The following WWOX variants were observed in gnomAD, a reference collection of about 807,000 sequenced individuals.
The protein encoded by WWOX is WW domain-containing oxidoreductase.
WWOX carries 69 observed loss-of-function variants against 46.2 expected under a neutral mutation model. That is an observed-to-expected ratio of 1.49 (90% CI 1.23 to 1.82). The LOEUF is 1.82. WWOX is among the 40% of genes most tolerant of loss of function. The pLI is 0.00. For missense variants in WWOX, 919 were observed against 542.6 expected (o/e 1.69, Z -6.89); for synonymous variants, 359 against 202.6 (o/e 1.77, Z -6.56).
intron 4 of WWOX, among the ~76,000 whole-genome samples, chr16:78,134,343 ATT>A (rs56115665): frequency 0.019 from 2,826 of 150,190 alleles, 84 homozygotes; most frequent in African/African-American, 0.065. Flanking sequence ...TGCAAAGACT[ATT>A]TTTTTTTTTG....
chr16:78,623,480 G>T (rs2046236962), intron 8 of WWOX, among the ~76,000 whole-genome samples: 1 of 152,074 alleles, frequency 6.6e-6, no homozygotes, highest in Non-Finnish European at 1.5e-5. Flanking sequence ...ATGAGTTCGA[G>T]ACCAGCCTGG....
chr16:78,936,968 C>T (rs568156347), intron 8 of WWOX, among the ~76,000 whole-genome samples: 1 of 152,006 alleles, frequency 6.6e-6, no homozygotes, highest in Non-Finnish European at 1.5e-5. Context: ...CATATTAATC[C>T]ATTAGTAATC....
intron 8 of WWOX, among the ~76,000 whole-genome samples, chr16:78,458,058 C>CAA (rs11370352): frequency 0.22 from 32,574 of 148,110 alleles, 3,639 homozygotes; most frequent in South Asian, 0.33. Flanking sequence ...GCCTGGGTGA[C>CAA]AAAAAAAAAA....
chr16:78,320,654 C>A (rs1211886029), intron 5 of WWOX, among the ~76,000 whole-genome samples: 2 of 152,224 alleles, frequency 1.3e-5, no homozygotes, highest in African/African-American at 4.8e-5. Flanking sequence ...GGAAGCCAAA[C>A]ATCTGGATGA....
At chr16:78,629,352 G>C (rs1313739786) in intron 8 of WWOX, among the ~76,000 whole-genome samples, 1 of 151,972 alleles carries the variant, frequency 6.6e-6, no homozygotes, top group Non-Finnish European at 1.5e-5. Flanking sequence ...AAATCTGTGA[G>C]TTAGTGCCGT....
chr16:78,489,108 C>A (rs938985921), intron 8 of WWOX, among the ~76,000 whole-genome samples: 1 of 152,118 alleles, frequency 6.6e-6, no homozygotes, highest in African/African-American at 2.4e-5. Context: ...ATGCTTGTTA[C>A]TAGCAGATCA....
intron 8 of WWOX, among the ~76,000 whole-genome samples, chr16:79,130,813 G>A (rs2049862165): frequency 6.6e-6 from 1 of 152,204 alleles, no homozygotes; most frequent in Non-Finnish European, 1.5e-5. Context: ...CTCCCCAGCA[G>A]TTCTTTGAGA....
chr16:78,734,054 T>C (rs1399501588), intron 8 of WWOX, among the ~76,000 whole-genome samples: 2 of 150,950 alleles, frequency 1.3e-5, no homozygotes, highest in East Asian at 1.9e-4. Flanking sequence ...AGTAAGATCC[T>C]GTCTGGAAAA....
intron 8 of WWOX, among the ~76,000 whole-genome samples, chr16:78,841,197 A>C (rs1546837): frequency 0.34 from 51,827 of 152,030 alleles, 9,402 homozygotes; most frequent in East Asian, 0.5. Flanking sequence ...GGGCCTTCTA[A>C]ATCAAGGGAA....
chr16:78,883,376 G>T (rs1020782562), intron 8 of WWOX, among the ~76,000 whole-genome samples: 1 of 152,128 alleles, frequency 6.6e-6, no homozygotes, highest in East Asian at 1.9e-4. Flanking sequence ...TGGGAAACTC[G>T]TGAAATCCTA....
chr16:78,934,603 C>T (rs1264457908), intron 8 of WWOX, among the ~76,000 whole-genome samples: 2 of 151,950 alleles, frequency 1.3e-5, no homozygotes, highest in African/African-American at 2.4e-5. Context: ...TTTACCCTAC[C>T]CTCTTCCCCT....
intron 8 of WWOX, among the ~76,000 whole-genome samples, chr16:79,133,022 T>A (rs759207678): frequency 1.1e-4 from 17 of 152,186 alleles, no homozygotes; most frequent in Non-Finnish European, 2.2e-4. Context: ...TCTGTGAGAT[T>A]TTCCTTCTGG....
At chr16:78,856,607 C>A (rs150263285) in intron 8 of WWOX, among the ~76,000 whole-genome samples, 2 of 152,122 alleles carry the variant, frequency 1.3e-5, no homozygotes, top group Admixed American at 6.5e-5. Context: ...CATGCCACTG[C>A]ACTCCAGCGT....
intron 8 of WWOX, among the ~76,000 whole-genome samples, chr16:78,737,128 C>T (rs964704871): frequency 3.9e-5 from 6 of 151,974 alleles, no homozygotes; most frequent in African/African-American, 1.4e-4. Context: ...GAGATGGAGT[C>T]TCACTCTGTC....
intron 8 of WWOX, chr16:79,016,958 G>A (rs377141422): frequency 3.0e-4 from 45 of 152,338 alleles, no homozygotes; most frequent in African/African-American, 1.1e-3. Context: ...CCTCGACCTC[G>A]AGAAGTGCTG....
intron 8 of WWOX, among the ~76,000 whole-genome samples, chr16:78,963,966 G>A (rs4600477): frequency 0.64 from 97,775 of 152,018 alleles, 32,203 homozygotes; most frequent in African/African-American, 0.79. Flanking sequence ...GGTTTCTGCA[G>A]TTTTTCTCTT....
At chr16:78,508,924 C>T (rs2085286630) in intron 8 of WWOX, among the ~76,000 whole-genome samples, 2 of 152,352 alleles carry the variant, frequency 1.3e-5, no homozygotes, top group East Asian at 3.9e-4. Flanking sequence ...ACATCTGCAT[C>T]ATGTATTGGC....
chr16:79,138,539 C>T (rs2050027425), intron 8 of WWOX, among the ~76,000 whole-genome samples: 2 of 152,180 alleles, frequency 1.3e-5, no homozygotes, highest in South Asian at 2.1e-4. Context: ...AACATGGGCC[C>T]TGGCATCAGA....
rs982710110 is a variant in WWOX, at chr16:78,449,345, G to C, written c.1056+16593G>C. 2.7e-4 allele frequency among the ~76,000 whole-genome samples: 41 copies of C among 152,272 alleles called. 1 individual carries two copies. The highest frequency in any genetic ancestry group is 1.9e-4 in the East Asian group (1 of 5,182). On this transcript the variant is annotated intron_variant, in intron 8 of 8. Transcript: ENST00000566780. The stretch of plus-strand genomic sequence containing the variant: ...TTTTGCCATATTCTTTTTGTTAGAA[G>C]GAAATCACTGAGTCTGATCGTTGTT...
Sources: allele counts gnomAD v4.1 joint callset (sites outside exome capture counted in the v4.1 genomes callset), GRCh38; gene constraint gnomAD v4.1.1; transcripts MANE v1.5; gene names NCBI Gene and HGNC (gene_info 2026-07-23, HGNC 2026-07-21).